The following TENM1 variants were observed in gnomAD, a reference collection of about 807,000 sequenced individuals.
TENM1 encodes teneurin transmembrane protein 1.
In TENM1, 35 loss-of-function variants were observed where a neutral mutation model predicts 174.8. The observed-to-expected ratio is 0.20, with a 90% CI of 0.15 to 0.27. The LOEUF (loss-of-function observed/expected upper bound fraction) is 0.27, where lower values mean the gene tolerates loss of function less well. TENM1 is among the 10% of genes least tolerant of loss of function. TENM1 has a pLI of 1.00. For missense variants in TENM1, 1,633 were observed against 2,130.1 expected, an observed-to-expected ratio of 0.77 and a Z score of 4.59; for synonymous variants, 781 against 798.7, an observed-to-expected ratio of 0.98 and a Z score of 0.37.
chrX:124,589,907 A>G (rs2049688257), intron 11 of TENM1, among the ~76,000 whole-genome samples: 1 of 110,124 alleles, frequency 9.1e-6, no homozygotes, highest in Admixed American at 9.7e-5. Flanking sequence ...TTTGAGTTTA[A>G]TTTATTCAGT....
chrX:125,113,750 G>A, the TENM1 span, among the ~76,000 whole-genome samples: 67 of 110,973 alleles, frequency 6.0e-4, no homozygotes, highest in African/African-American at 2.1e-3. Context: ...GAAGCACCCA[G>A]ACTCATAAAG....
At chrX:125,078,560 T>C in the TENM1 span, among the ~76,000 whole-genome samples, 1 of 111,628 alleles carries the variant, frequency 9.0e-6, no homozygotes, top group Non-Finnish European at 1.9e-5. Flanking sequence ...ATGCTTTCCA[T>C]TTATTTCACC....
chrX:124,652,227 T>C (rs1185889010), intron 7 of TENM1, 103 bp from the exon 11 acceptor site: 1 of 981,404 alleles, frequency 1.0e-6, no homozygotes, highest in Non-Finnish European at 1.4e-6. Flanking sequence ...TGCTTTGAAG[T>C]TGAGCAAATT....
the TENM1 span, among the ~76,000 whole-genome samples, chrX:125,015,282 G>T: frequency 2.7e-5 from 3 of 111,165 alleles, no homozygotes; most frequent in South Asian, 3.8e-4. Context: ...AAATGTAACT[G>T]GGCATCCTAT....
At position 124,829,985 on chromosome X, in the gene TENM1, G is replaced by C. The variant is rs111972567; in HGVS notation, c.535+64311C>G. Among the ~76,000 whole-genome samples, 408 of 112,345 alleles carry C rather than the reference G, an allele frequency of 3.6e-3. 3 individuals are homozygous for C. The highest frequency in any genetic ancestry group is 0.012 in the African/African-American group (382 of 30,948). On this transcript the variant is annotated intron_variant, in intron 3 of 31. Transcript: ENST00000422452. ...CCGTACCTCAAACATAGTACTATCG[G>C]TGGCACTTGGGACACCTGTGTAGTT...
chrX:124,489,281 TAA>T (rs971103117), intron 20 of TENM1, among the ~76,000 whole-genome samples: 10 of 112,790 alleles, frequency 8.9e-5, no homozygotes, highest in African/African-American at 3.2e-4. Context: ...CTTCCAATGA[TAA>T]AGTCTTTAAG....
chrX:125,123,906 T>C, the TENM1 span, among the ~76,000 whole-genome samples: 154 of 112,815 alleles, frequency 1.4e-3, no homozygotes, highest in Non-Finnish European at 2.5e-3. Context: ...TCCACATTTA[T>C]TTAAATGCTT....
chrX:124,531,822 C>T (rs57715247), intron 15 of TENM1, among the ~76,000 whole-genome samples: 1,705 of 112,219 alleles, frequency 0.015, 27 homozygotes, highest in African/African-American at 0.052. Context: ...TCTGGCAGAT[C>T]TGGTCCCAGG....
chrX:124,947,256 T>G (rs919642534), intron 1 of TENM1, among the ~76,000 whole-genome samples: 2 of 111,733 alleles, frequency 1.8e-5, no homozygotes, highest in African/African-American at 6.5e-5. Flanking sequence ...TACCATTCCC[T>G]ATTAACTAGG....
intron 1 of TENM1, among the ~76,000 whole-genome samples, chrX:124,962,894 G>A (rs1240327136): frequency 8.9e-6 from 1 of 112,193 alleles, no homozygotes; most frequent in East Asian, 2.8e-4. Context: ...TATCTTCTAC[G>A]TCATTAAAAT....
At chrX:124,478,846 T>C (rs1176930282) in intron 22 of TENM1, among the ~76,000 whole-genome samples, 1 of 112,612 alleles carries the variant, frequency 8.9e-6, no homozygotes, top group Non-Finnish European at 1.9e-5. Context: ...TTGGGCTTTC[T>C]TGAGAAACAA....
chrX:124,981,750 C>T, the TENM1 span, among the ~76,000 whole-genome samples: 1 of 111,076 alleles, frequency 9.0e-6, no homozygotes, highest in Non-Finnish European at 1.9e-5. Flanking sequence ...TCTAGATTCC[C>T]TATCAGCCCA....
the TENM1 span, among the ~76,000 whole-genome samples, chrX:125,085,253 GC>G: frequency 5.4e-5 from 6 of 110,262 alleles, no homozygotes; most frequent in Admixed American, 1.9e-4. Flanking sequence ...TTAAATACCT[GC>G]CCATTATTCT....
the TENM1 span, among the ~76,000 whole-genome samples, chrX:125,131,674 A>G: frequency 1.8e-5 from 2 of 111,724 alleles, no homozygotes; most frequent in African/African-American, 6.5e-5. Context: ...ATTTTCTGTC[A>G]TTTTTATATT....
intron 27 of TENM1, 73 bp downstream of exon 30, chrX:124,404,952 TAAACAA>T (rs2060445353): frequency 3.4e-6 from 3 of 878,019 alleles, no homozygotes; most frequent in Non-Finnish European, 4.9e-6. Context: ...GCTCTGCAGT[TAAACAA>T]ACAAACAAAC....
At chrX:124,650,667 G>A (rs1410394135) in intron 8 of TENM1, among the ~76,000 whole-genome samples, 7 of 111,205 alleles carry the variant, frequency 6.3e-5, no homozygotes, top group South Asian at 3.8e-4. Flanking sequence ...ATAACTCCTC[G>A]ACATGCACAT....
chrX:124,683,347 C>T (rs1327676780), intron 5 of TENM1, among the ~76,000 whole-genome samples: 1 of 111,952 alleles, frequency 8.9e-6, no homozygotes, highest in Non-Finnish European at 1.9e-5. Flanking sequence ...AATACGTAAT[C>T]CATTTCTTCT....
chrX:124,490,682 C>T (rs2047047643), intron 20 of TENM1, among the ~76,000 whole-genome samples: 1 of 112,160 alleles, frequency 8.9e-6, no homozygotes, highest in Admixed American at 9.4e-5. Flanking sequence ...ATCTCTTTCA[C>T]TTTTAAGGGA....
intron 3 of TENM1, among the ~76,000 whole-genome samples, chrX:124,860,850 A>G (rs772651174): frequency 8.9e-6 from 1 of 111,777 alleles, no homozygotes; most frequent in South Asian, 3.8e-4. Context: ...GATTCTTGGG[A>G]GAACGTGATA....
Sources: gnomAD v4.1 joint callset for allele counts (sites outside exome capture counted in the v4.1 genomes callset) on GRCh38, gnomAD v4.1.1 for gene constraint, MANE v1.5 for transcripts, NCBI Gene and HGNC (gene_info 2026-07-23, HGNC 2026-07-21) for gene names.